Variants in SGCD observed in about 807,000 individuals in gnomAD.
SGCD encodes delta-sarcoglycan.
A neutral mutation model predicts 36.6 loss-of-function variants in SGCD; 18 were observed. That is an observed-to-expected ratio of 0.49 (90% CI 0.34 to 0.73). The LOEUF is 0.73. SGCD is among the 30% of genes least tolerant of loss of function. SGCD has a pLI of 0.01. For missense variants in SGCD, 387 were observed against 346.7 expected, an observed-to-expected ratio of 1.12 and a Z score of -0.92; for synonymous variants, 133 against 130.6, an observed-to-expected ratio of 1.02 and a Z score of -0.12.
At chr5:155,963,362 T>A (rs1002899323) in intron 1 of SGCD, among the ~76,000 whole-genome samples, 19 of 152,128 alleles carry the variant, frequency 1.2e-4, no homozygotes, top group African/African-American at 3.9e-4. Context: ...TTATTTGATA[T>A]CTCCCCATGT....
intron 7 of SGCD, among the ~76,000 whole-genome samples, chr5:156,735,609 C>T (rs767797247): frequency 4.6e-5 from 7 of 152,188 alleles, no homozygotes; most frequent in Non-Finnish European, 1.0e-4. Context: ...GTAAAGATGA[C>T]AGCCTGCCCC....
At chr5:155,858,582 T>G in the SGCD span, among the ~76,000 whole-genome samples, 3 of 152,170 alleles carry the variant, frequency 2.0e-5, no homozygotes, top group African/African-American at 7.2e-5. Context: ...GCAAATCAAC[T>G]TTTTTTCACT....
chr5:155,842,687 T>A, the SGCD span, among the ~76,000 whole-genome samples: 1 of 152,200 alleles, frequency 6.6e-6, no homozygotes, highest in Non-Finnish European at 1.5e-5. Flanking sequence ...AGCTGTATTA[T>A]GAAAACTAAC....
At chr5:155,935,913 A>G (rs1235602091) in intron 1 of SGCD, among the ~76,000 whole-genome samples, 1 of 152,164 alleles carries the variant, frequency 6.6e-6, no homozygotes, top group Non-Finnish European at 1.5e-5. Flanking sequence ...CACTGCACAC[A>G]GTCAGGCACA....
chr5:156,207,901 G>A (rs1220931252), intron 3 of SGCD, among the ~76,000 whole-genome samples: 1 of 152,030 alleles, frequency 6.6e-6, no homozygotes, highest in African/African-American at 2.4e-5. Context: ...GAGGTGAAAA[G>A]CAGAATTGAC....
At position 156,184,303 on chromosome 5, in the gene SGCD, C is replaced by T. The variant is rs75364172; in HGVS notation, c.-44+60284C>T. 4.3e-3 allele frequency among the ~76,000 whole-genome samples: 648 copies of T among 151,356 alleles called. 4 individuals carry two copies. Among genetic ancestry groups the T allele is most frequent in the African/African-American group, 0.015 (623 of 41,226 alleles). ...AGATGGTGACCATCTGTCCTAGAAG[C>T]CACAACTAAAAGAACTGAAAATGTT... is the stretch of plus-strand genomic sequence containing the variant. On this transcript the variant is annotated intron_variant, in intron 3 of 9. Coordinates refer to the SGCD transcript ENST00000517913.
At chr5:155,777,531 A>AT in the SGCD span, among the ~76,000 whole-genome samples, 15 of 151,632 alleles carry the variant, frequency 9.9e-5, no homozygotes, top group Non-Finnish European at 1.6e-4. Context: ...TAATTTTTGT[A>AT]TTTTTTTGCG....
chr5:156,051,132 A>G (rs4273589), intron 1 of SGCD, among the ~76,000 whole-genome samples: 10,903 of 146,496 alleles, frequency 0.074, 1,797 homozygotes, highest in African/African-American at 0.25. Flanking sequence ...TTCTTAAAAT[A>G]CATTATGAAA....
intron 1 of SGCD, among the ~76,000 whole-genome samples, chr5:155,921,534 GAA>G (rs1756879241): frequency 6.6e-6 from 1 of 151,612 alleles, no homozygotes; most frequent in Non-Finnish European, 1.5e-5. Flanking sequence ...ACTCTGGAAA[GAA>G]AGGGGACACA....
intron 7 of SGCD, among the ~76,000 whole-genome samples, chr5:156,669,175 G>C (rs868279982): frequency 6.6e-6 from 1 of 152,098 alleles, no homozygotes; most frequent in Non-Finnish European, 1.5e-5. Context: ...GGCATACCCA[G>C]ACCTCATGGT....
chr5:156,256,539 A>G (rs897372963), intron 3 of SGCD, among the ~76,000 whole-genome samples: 2 of 152,180 alleles, frequency 1.3e-5, no homozygotes, highest in African/African-American at 4.8e-5. Context: ...TTCTGTAGAT[A>G]TATGATGATT....
chr5:156,049,015 A>G (rs982317348), intron 1 of SGCD, among the ~76,000 whole-genome samples: 4 of 147,060 alleles, frequency 2.7e-5, no homozygotes, highest in African/African-American at 9.8e-5. Flanking sequence ...GGTGTAAGGA[A>G]GGGATCCAGT....
intron 4 of SGCD, among the ~76,000 whole-genome samples, chr5:156,511,783 C>T (rs1033276006): frequency 1.3e-5 from 2 of 152,172 alleles, no homozygotes; most frequent in Non-Finnish European, 2.9e-5. Flanking sequence ...TTCCTCAGAC[C>T]TCTTGCTGTA....
intron 1 of SGCD, among the ~76,000 whole-genome samples, chr5:156,012,614 ATT>A (rs56739452): frequency 0.024 from 3,328 of 138,618 alleles, 107 homozygotes; most frequent in African/African-American, 0.077. Context: ...CACAGAGATA[ATT>A]TTTTTTTTTT....
At chr5:155,764,562 C>T in the SGCD span, among the ~76,000 whole-genome samples, 2 of 152,134 alleles carry the variant, frequency 1.3e-5, no homozygotes, top group African/African-American at 4.8e-5. Context: ...CAAAAGAAAT[C>T]ACAGAGTACA....
At chr5:156,205,277 G>T (rs1164806455) in intron 3 of SGCD, among the ~76,000 whole-genome samples, 1 of 152,006 alleles carries the variant, frequency 6.6e-6, no homozygotes, top group African/African-American at 2.4e-5. Context: ...TAAGAGTTAA[G>T]ATTCTTTTGT....
intron 7 of SGCD, among the ~76,000 whole-genome samples, chr5:156,713,719 G>A (rs1476509619): frequency 1.3e-5 from 2 of 152,238 alleles, no homozygotes; most frequent in African/African-American, 4.8e-5. Flanking sequence ...TTCAAGGCTA[G>A]TTTTGTGATC....
At chr5:156,166,914 C>A (rs536194104) in intron 3 of SGCD, among the ~76,000 whole-genome samples, 7 of 152,280 alleles carry the variant, frequency 4.6e-5, no homozygotes, top group Admixed American at 1.3e-4. Context: ...CAGCCACACC[C>A]CACAGGGATC....
rs1757760730 is a variant in SGCD at position 155,960,094 on chromosome 5, A to C, written c.-282+89670A>C. Among the ~76,000 whole-genome samples, 4 of 152,200 alleles carry C rather than the reference A, an allele frequency of 2.6e-5. No homozygotes were observed. The South Asian group carries it at 8.3e-4, about 32-fold the overall frequency. On this transcript the variant is annotated intron_variant, in intron 1 of 9. Transcript: ENST00000517913. ...CATAGAGTTTGCCAGGGCATGATACAAAAGACATGACTTTGTCTTCTCCTC... is the reference window on the plus strand; with the variant it reads ...CATAGAGTTTGCCAGGGCATGATACCAAAGACATGACTTTGTCTTCTCCTC...
Sources: gnomAD v4.1 joint callset for allele counts (sites outside exome capture counted in the v4.1 genomes callset) on GRCh38, gnomAD v4.1.1 for gene constraint, MANE v1.5 for transcripts, NCBI Gene and HGNC (gene_info 2026-07-23, HGNC 2026-07-21) for gene names.